Variants in SLFN12 observed in about 807,000 individuals in gnomAD.
SLFN12 encodes the protein ribonuclease SLFN12.
A neutral mutation model predicts 29.1 loss-of-function variants in SLFN12; 25 were observed. The observed-to-expected ratio is 0.86, with a 90% CI of 0.63 to 1.20. The LOEUF (loss-of-function observed/expected upper bound fraction) is 1.20, where lower values mean the gene tolerates loss of function less well. SLFN12 is among the 50% of genes most tolerant of loss of function. The pLI is 0.00. For missense variants in SLFN12, 660 were observed against 666.2 expected, an observed-to-expected ratio of 0.99 and a Z score of 0.10; for synonymous variants, 257 against 238.7, an observed-to-expected ratio of 1.08 and a Z score of -0.71.
At chr17:35,426,890 A>G (rs1449672590) in intron 1 of SLFN12, among the ~76,000 whole-genome samples, 1 of 152,104 alleles carries the variant, frequency 6.6e-6, no homozygotes, top group African/African-American at 2.4e-5. Flanking sequence ...TTCCCAAAGA[A>G]TCTCACCCCA....
Position 35,422,928 on chromosome 17 carries a change from C to T in SLFN12, c.101G>A (p.Cys34Tyr). 1 of 1,613,920 alleles carries T rather than the reference C, an allele frequency of 6.2e-7. No homozygotes were observed. The highest frequency in any genetic ancestry group is 8.5e-7 in the Non-Finnish European group (1 of 1,179,984). Residue 34 changes from cysteine (C) to tyrosine (Y), a missense_variant, in exon 2 of 4, where the codon TGT (cysteine) becomes TAT (tyrosine). Coordinates refer to ENST00000304905, the MANE Select transcript of SLFN12 (RefSeq NM_018042.5). Reference protein sequence around the residue: ...GENSRKKMKDCKLRKKQNESV... With the variant: ...GENSRKKMKDYKLRKKQNESV... ...TTCATTCTGCTTTTTTCTCAGTTTA[C>T]AATCCTTCATTTTTTTCCTACTGTT...
intron 3 of SLFN12, among the ~76,000 whole-genome samples, chr17:35,412,939 A>G (rs1301082126): frequency 1.3e-5 from 2 of 152,050 alleles, no homozygotes; most frequent in African/African-American, 4.8e-5. Context: ...GGCATTCCTT[A>G]ACTGAAAAAT....
At chr17:35,420,447 T>C in intron 2 of SLFN12, 66 bp from the exon 3 acceptor site, 1 of 931,972 alleles carries the variant, frequency 1.1e-6, no homozygotes, top group Non-Finnish European at 1.7e-6. Context: ...TAATGCATAG[T>C]ATTATATATT....
At chr17:35,420,526 T>C in intron 2 of SLFN12, 145 bp from the exon 3 acceptor site, 3 of 538,400 alleles carry the variant, frequency 5.6e-6, no homozygotes, top group Non-Finnish European at 9.6e-6. Flanking sequence ...GTTAGATTCT[T>C]AGGTCAGATA....
intron 2 of SLFN12, chr17:35,420,641 G>T: frequency 7.2e-6 from 2 of 276,900 alleles, no homozygotes; most frequent in Non-Finnish European, 1.4e-5. Context: ...CATATAATTG[G>T]GTTTATTTTT....
intron 3 of SLFN12, among the ~76,000 whole-genome samples, chr17:35,418,727 G>A (rs990614015): frequency 6.6e-6 from 1 of 152,030 alleles, no homozygotes; most frequent in African/African-American, 2.4e-5. Flanking sequence ...ATATGATGAA[G>A]GTGGCATGGC....
chr17:35,421,575 T>C (rs1241085901), intron 2 of SLFN12, among the ~76,000 whole-genome samples: 2 of 139,290 alleles, frequency 1.4e-5, no homozygotes, highest in South Asian at 4.7e-4. Context: ...AGTCTCGCTC[T>C]GTTGCCCAGG....
In SLFN12 at chr17:35,411,501, G is replaced by T. The variant is rs556155131; in HGVS notation, c.1574C>A (p.Thr525Lys). 6.2e-7 allele frequency: 1 copy of T among 1,613,978 alleles called. No individual in the cohort carries two copies. Among genetic ancestry groups the T allele is most frequent in the South Asian group, 1.1e-5 (1 of 91,080 alleles). Residue 525 changes from threonine (T) to lysine (K), a missense_variant, in exon 4 of 4, where the codon ACA becomes AAA. By Grantham distance (78) the Thr-to-Lys change is moderately conservative. Transcript: ENST00000304905. ...QVIYPESYYF[T>K]RRKYLLKALF... Reference sequence around the variant, plus strand: ...GGCTTTCAGCAAGTATTTCCTTCTTGTAAAATAGTAGGATTCAGGGTAAAT... The same window carrying T: ...GGCTTTCAGCAAGTATTTCCTTCTTTTAAAATAGTAGGATTCAGGGTAAAT...
At chr17:35,426,254 C>T (rs1912017260) in intron 1 of SLFN12, among the ~76,000 whole-genome samples, 1 of 151,490 alleles carries the variant, frequency 6.6e-6, no homozygotes. Context: ...TATTCTTTTA[C>T]TCTGTTGATT....
chr17:35,415,588 A>G (rs1162659213), intron 3 of SLFN12, among the ~76,000 whole-genome samples: 3 of 152,162 alleles, frequency 2.0e-5, no homozygotes, highest in Non-Finnish European at 4.4e-5. Flanking sequence ...ACAGAGTGGG[A>G]GAAAATATTT....
At position 35,422,947 on chromosome 17, in the gene SLFN12, T is replaced by C; in HGVS notation, c.82A>G (p.Arg28Gly). The stretch of plus-strand genomic sequence containing the variant: ...AGTTTACAATCCTTCATTTTTTTCC[T>C]ACTGTTCTCTCCAAGAGTGACTCTT... ...VGRVTLGENS[R>G]KKMKDCKLRK... is the part of the protein sequence containing the mutation. The change falls in exon 2 of 4, where the codon AGG (arginine) becomes GGG (glycine). Residue 28 changes from arginine to glycine, a missense_variant. By Grantham distance (125) the Arg-to-Gly change is moderately radical. Transcript: ENST00000304905. 3.1e-6 allele frequency: 5 copies of C among 1,613,894 alleles called. 1 individual carries two copies. The highest frequency in any genetic ancestry group is 4.2e-6 in the Non-Finnish European group (5 of 1,179,988).
chr17:35,428,976 T>A (rs979099464), intron 1 of SLFN12, among the ~76,000 whole-genome samples: 3 of 152,048 alleles, frequency 2.0e-5, no homozygotes, highest in East Asian at 3.9e-4. Flanking sequence ...TGCAGGAGAA[T>A]CAGTTCCACT....
At chr17:35,413,205 T>C (rs1370452391) in intron 3 of SLFN12, among the ~76,000 whole-genome samples, 1 of 151,842 alleles carries the variant, frequency 6.6e-6, no homozygotes, top group East Asian at 1.9e-4. Context: ...ACAATTATAG[T>C]TTTTTCAAAG....
chr17:35,425,212 A>G (rs1911928570), intron 1 of SLFN12, among the ~76,000 whole-genome samples: 1 of 152,132 alleles, frequency 6.6e-6, no homozygotes, highest in Admixed American at 6.5e-5. Flanking sequence ...TGGGAGGATC[A>G]CTTGAATCCA....
At chr17:35,420,572 A>G in intron 2 of SLFN12, 191 bp from the exon 3 acceptor site, 1 of 416,992 alleles carries the variant, frequency 2.4e-6, no homozygotes, top group South Asian at 4.9e-5. Context: ...CCACTGACAC[A>G]CTATATTTCA....
chr17:35,413,856 C>A (rs1911175846), intron 3 of SLFN12, among the ~76,000 whole-genome samples: 1 of 151,662 alleles, frequency 6.6e-6, no homozygotes, highest in Non-Finnish European at 1.5e-5. Flanking sequence ...TGTGATATAC[C>A]ACATTAATAA....
At chr17:35,415,920 A>G (rs1332071936) in intron 3 of SLFN12, among the ~76,000 whole-genome samples, 2 of 152,184 alleles carry the variant, frequency 1.3e-5, no homozygotes, top group Non-Finnish European at 2.9e-5. Flanking sequence ...AATGTAAACT[A>G]TTACAACCAC....
intron 1 of SLFN12, among the ~76,000 whole-genome samples, chr17:35,424,178 T>A (rs1229208980): frequency 6.6e-6 from 1 of 152,172 alleles, no homozygotes; most frequent in Non-Finnish European, 1.5e-5. Context: ...AACTTTTTTT[T>A]AAGTGTAACT....
rs1214084927 is a variant in SLFN12, at chr17:35,432,226, G to A, written c.-79C>T. The A allele has an allele frequency of 1.3e-5, 2 of 152,216 alleles. No individual in the cohort carries two copies. The highest frequency in any genetic ancestry group is 4.1e-4 in the South Asian group (2 of 4,836). 9.4% of individuals were successfully genotyped at this position (152,216 alleles called of 1,614,324 possible). A position where few individuals can be genotyped will look rare whatever the true frequency, so the allele number is the denominator to read the frequency against. ...TGCCAAAATATGTTACCAGTGAAGA[G>A]TGTCCAGGTTCTTGGCGTGTTGAAC... On this transcript the variant is annotated 5_prime_UTR_variant, in exon 1 of 4. Coordinates refer to ENST00000304905, the MANE Select transcript of SLFN12 (RefSeq NM_018042.5).
Sources: gnomAD v4.1 joint callset for allele counts (sites outside exome capture counted in the v4.1 genomes callset) on GRCh38, gnomAD v4.1.1 for gene constraint, MANE v1.5 for transcripts, NCBI Gene and HGNC (gene_info 2026-07-23, HGNC 2026-07-21) for gene names.